DTD1: variants seen among roughly 807,000 people sequenced by gnomAD.
DTD1 encodes D-aminoacyl-tRNA deacylase 1.
A neutral mutation model predicts 25.6 loss-of-function variants in DTD1; 13 were observed. That is an observed-to-expected ratio of 0.51 (90% CI 0.33 to 0.81). The LOEUF (loss-of-function observed/expected upper bound fraction) is 0.81. Among genes scored for constraint, DTD1 ranks in the 30% least tolerant of loss-of-function variants. DTD1 has a pLI of 0.02. For synonymous variants in DTD1, 110 were observed against 103.6 expected, an observed-to-expected ratio of 1.06 and a Z score of -0.37; for missense variants, 193 against 266.4, an observed-to-expected ratio of 0.72 and a Z score of 1.92.
chr20:18,757,282 G>T (rs1378499834), intron 5 of DTD1, among the ~76,000 whole-genome samples: 3 of 152,140 alleles, frequency 2.0e-5, no homozygotes, highest in Non-Finnish European at 4.4e-5. Flanking sequence ...TTGCCTGATT[G>T]CCCTGGCCAG....
chr20:18,665,878 A>G (rs2060929704), intron 4 of DTD1, among the ~76,000 whole-genome samples: 1 of 152,208 alleles, frequency 6.6e-6, no homozygotes, highest in Non-Finnish European at 1.5e-5. Flanking sequence ...AAAAATAGAA[A>G]TGTTGCTGAG....
chr20:18,671,963 G>A (rs188945512), intron 4 of DTD1, among the ~76,000 whole-genome samples: 34 of 152,332 alleles, frequency 2.2e-4, no homozygotes, highest in Admixed American at 9.1e-4. Context: ...GCTGGGCGCA[G>A]TAGTTCATAC....
intron 4 of DTD1, chr20:18,675,123 C>T (rs1483100032): frequency 2.0e-5 from 3 of 152,174 alleles, no homozygotes; most frequent in Admixed American, 2.0e-4. Context: ...CCAAAGTGGC[C>T]CACTACAGAG....
intron 3 of DTD1, among the ~76,000 whole-genome samples, chr20:18,611,878 G>A (rs1471930848): frequency 2.0e-5 from 3 of 151,918 alleles, no homozygotes; most frequent in Admixed American, 1.3e-4. Flanking sequence ...TTTTTGAGAC[G>A]GAGTCTTGCT....
chr20:18,668,912 G>A (rs2060941884), intron 4 of DTD1, among the ~76,000 whole-genome samples: 1 of 152,184 alleles, frequency 6.6e-6, no homozygotes, highest in Non-Finnish European at 1.5e-5. Flanking sequence ...TGGCCACCTT[G>A]CTTTCAGAAA....
chr20:18,729,027 A>G (rs573017390), intron 4 of DTD1, among the ~76,000 whole-genome samples: 2 of 152,304 alleles, frequency 1.3e-5, no homozygotes, highest in South Asian at 4.1e-4. Context: ...TGCTTAAGAT[A>G]GGGTCTCACT....
chr20:18,688,035 C>T (rs1355065639), intron 4 of DTD1, among the ~76,000 whole-genome samples: 2 of 152,154 alleles, frequency 1.3e-5, no homozygotes, highest in African/African-American at 2.4e-5. Flanking sequence ...AGTCTGATGC[C>T]AGCGGCTAGT....
At chr20:18,754,917 T>C (rs374737388) in intron 5 of DTD1, among the ~76,000 whole-genome samples, 13 of 152,236 alleles carry the variant, frequency 8.5e-5, no homozygotes, top group East Asian at 3.8e-4. Context: ...GATACTAACA[T>C]TGATCTTATG....
At chr20:18,677,454 A>G (rs1317814928) in intron 4 of DTD1, among the ~76,000 whole-genome samples, 1 of 152,126 alleles carries the variant, frequency 6.6e-6, no homozygotes, top group Non-Finnish European at 1.5e-5. Context: ...AGAACACTTG[A>G]CACAGAGAAC....
At chr20:18,737,387 G>T (rs892137788) in intron 4 of DTD1, among the ~76,000 whole-genome samples, 1 of 152,144 alleles carries the variant, frequency 6.6e-6, no homozygotes, top group Non-Finnish European at 1.5e-5. Flanking sequence ...CAAACTTGGG[G>T]CTTGCCTGCC....
At chr20:18,694,593 C>T (rs925551673) in intron 4 of DTD1, among the ~76,000 whole-genome samples, 15 of 152,214 alleles carry the variant, frequency 9.9e-5, no homozygotes, top group East Asian at 1.9e-4. Flanking sequence ...AGCTAGAGGC[C>T]GCGGGAAGGG....
chr20:18,692,674 A>G (rs2061052043), intron 4 of DTD1, among the ~76,000 whole-genome samples: 1 of 152,164 alleles, frequency 6.6e-6, no homozygotes, highest in Non-Finnish European at 1.5e-5. Flanking sequence ...CTGGAAGGAG[A>G]GCTGAGGCTC....
At chr20:18,662,248 T>G (rs1286408209) in intron 4 of DTD1, among the ~76,000 whole-genome samples, 2 of 152,136 alleles carry the variant, frequency 1.3e-5, no homozygotes, top group Non-Finnish European at 2.9e-5. Context: ...TAGGTAAAAA[T>G]TAAAAATCAA....
At chr20:18,707,312 C>A (rs371831972) in intron 4 of DTD1, among the ~76,000 whole-genome samples, 3 of 152,192 alleles carry the variant, frequency 2.0e-5, no homozygotes, top group East Asian at 1.9e-4. Context: ...TTTAAACAAG[C>A]TCCTTAGCTG....
chr20:18,765,900 TG>T lies in DTD1; in HGVS notation c.*2561del, dbSNP rs2061377527. On this transcript the variant is annotated 3_prime_UTR_variant, in exon 6 of 6. Transcript: ENST00000377452. The stretch of plus-strand genomic sequence containing the variant: ...AGAATCGTACCATGTATGGCTTTTC[TG>T]AGAAGCCTTGGCAGATCACAGACCC... 6.6e-6 allele frequency: 1 copy of T among 152,284 alleles called. No homozygotes were observed. Among genetic ancestry groups the T allele is most frequent in the Non-Finnish European group, 1.5e-5 (1 of 68,060 alleles). The allele number at this position is 152,284 out of a possible 1,614,324, so 9.4% of individuals were successfully genotyped here. A position where few individuals can be genotyped will look rare whatever the true frequency, so the allele number is the denominator to read the frequency against.
At chr20:18,693,564 T>C (rs2122441286) in intron 4 of DTD1, among the ~76,000 whole-genome samples, 1 of 151,200 alleles carries the variant, frequency 6.6e-6, no homozygotes, top group East Asian at 2.0e-4. Flanking sequence ...GGTTGAGACA[T>C]GAGAATCGCT....
intron 4 of DTD1, among the ~76,000 whole-genome samples, chr20:18,629,727 T>C (rs1022557308): frequency 1.3e-5 from 2 of 152,036 alleles, no homozygotes; most frequent in African/African-American, 2.4e-5. Flanking sequence ...TTTAATTGGC[T>C]CACAGTTCTG....
rs904369232 is a variant in DTD1, at chr20:18,661,591, T to C, written c.477+33358T>C. Among the ~76,000 whole-genome samples the C allele has an allele frequency of 1.8e-4, 28 of 152,274 alleles. 1 individual carries two copies. In the East Asian group the frequency reaches 5.2e-3, roughly 29 times the overall value. On this transcript the variant is annotated intron_variant, in intron 4 of 5. Coordinates refer to ENST00000377452, the MANE Select transcript of DTD1 (RefSeq NM_080820.6). ...TTTCACCGTGTTAGCCAGGATGGTT[T>C]TGATCTCCTGACCTCGTGATCTGCC...
intron 5 of DTD1, 135 bp from the exon 6 acceptor site, chr20:18,763,225 C>G (rs1404793192): frequency 1.3e-5 from 2 of 152,602 alleles, no homozygotes; most frequent in African/African-American, 4.8e-5. Context: ...AAGTGATGCA[C>G]TGATGCTGGT....
Sources: gnomAD v4.1 joint callset for allele counts (sites outside exome capture counted in the v4.1 genomes callset) on GRCh38, gnomAD v4.1.1 for gene constraint, MANE v1.5 for transcripts, NCBI Gene and HGNC (gene_info 2026-07-23, HGNC 2026-07-21) for gene names.